UGT1A7: variants seen among roughly 807,000 people sequenced by gnomAD.
UGT1A7 encodes the protein UDP glucuronosyltransferase family 1 member A7.
A neutral mutation model predicts 45.6 loss-of-function variants in UGT1A7; 33 were observed. The observed-to-expected ratio is 0.72, with a 90% CI of 0.55 to 0.97. The LOEUF is 0.97. Among genes scored for constraint, UGT1A7 ranks in the 50% least tolerant of loss-of-function variants. UGT1A7 has a pLI of 0.00. For synonymous variants in UGT1A7, 274 were observed against 250.6 expected, an observed-to-expected ratio of 1.09 and a Z score of -0.88; for missense variants, 684 against 666.2, an observed-to-expected ratio of 1.03 and a Z score of -0.29.
At position 233,682,626 on chromosome 2, in the gene UGT1A7, TA is replaced by T. The variant is rs760187297; in HGVS notation, c.690del (p.Ile230MetfsTer36). The T allele has an allele frequency of 2.5e-6, 4 of 1,613,904 alleles. No individual in the cohort carries two copies. Among genetic ancestry groups the T allele is most frequent in the South Asian group, 1.1e-5 (1 of 91,076 alleles). On this transcript the variant is annotated frameshift_variant, in exon 1 of 5. Coordinates refer to ENST00000373426, the MANE Select transcript of UGT1A7 (RefSeq NM_019077.3). LOFTEE classifies it high-confidence loss of function. ...CPYFFKNVLE[I>X]ASEILQTPVT... is the part of the protein sequence containing the mutation. ...TATTTTTTCAAAAATGTCTTAGAAATAGCCTCTGAAATTCTCCAAACCCCTG... is the reference window on the plus strand; with the variant it reads ...TATTTTTTCAAAAATGTCTTAGAAATGCCTCTGAAATTCTCCAAACCCCTG...
At chr2:233,725,886 G>T (rs2077481662) in intron 1 of UGT1A7, among the ~76,000 whole-genome samples, 1 of 152,018 alleles carries the variant, frequency 6.6e-6, no homozygotes, top group Admixed American at 6.6e-5. Context: ...ATGATTTGTA[G>T]GCAGGTGGGT....
At chr2:233,737,730 T>C (rs558595206) in intron 1 of UGT1A7, among the ~76,000 whole-genome samples, 10 of 152,254 alleles carry the variant, frequency 6.6e-5, no homozygotes, top group East Asian at 3.9e-4. Context: ...CCTTTTTTTT[T>C]CCTTTTCTCT....
At chr2:233,719,183 T>C (rs1190201786) in intron 1 of UGT1A7, 5 of 1,614,222 alleles carry the variant, frequency 3.1e-6, no homozygotes, top group Non-Finnish European at 4.2e-6. Flanking sequence ...ACAATGTATC[T>C]TTGGCCCTTC....
At chr2:233,740,156 C>A (rs578012287) in intron 1 of UGT1A7, among the ~76,000 whole-genome samples, 33 of 151,986 alleles carry the variant, frequency 2.2e-4, no homozygotes, top group Non-Finnish European at 3.7e-4. Flanking sequence ...GAGGCCTCCC[C>A]AGTCATGTGG....
At chr2:233,743,679 C>T (rs773832305) in intron 1 of UGT1A7, 13 of 1,367,098 alleles carry the variant, frequency 9.5e-6, no homozygotes, top group African/African-American at 5.9e-5. Flanking sequence ...AAGGGCCTGC[C>T]GCCTGTGCAG....
At chr2:233,693,435 T>C (rs2075153037) in intron 1 of UGT1A7, 3 of 1,614,160 alleles carry the variant, frequency 1.9e-6, no homozygotes, top group Non-Finnish European at 2.5e-6. Context: ...GAGAGCAAGT[T>C]TGATGCTCTT....
intron 1 of UGT1A7, chr2:233,693,367 G>A: frequency 6.2e-7 from 1 of 1,614,154 alleles, no homozygotes; most frequent in Non-Finnish European, 8.5e-7. Context: ...TTATTGGCCT[G>A]TACTTCATCA....
chr2:233,750,021 A>C (rs894423402), intron 1 of UGT1A7, among the ~76,000 whole-genome samples: 1 of 151,886 alleles, frequency 6.6e-6, no homozygotes, highest in African/African-American at 2.4e-5. Context: ...AGAGTGGAGT[A>C]CTGCTATAAA....
rs530894832 is a variant in UGT1A7, at chr2:233,736,505, A to T, written c.856-30529A>T. 2.0e-5 allele frequency among the ~76,000 whole-genome samples: 3 copies of T among 152,320 alleles called. No individual in the cohort carries two copies. The East Asian group carries it at 5.8e-4, about 29-fold the overall frequency. On this transcript the variant is annotated intron_variant, in intron 1 of 4. Transcript: ENST00000373426. ...TGTTACTACCAAACTTCTGAAGCCT[A>T]CTTCTGTCAACTCGTCAAAGTCATT... is the stretch of plus-strand genomic sequence containing the variant.
At chr2:233,716,556 T>A (rs1435201445) in intron 1 of UGT1A7, among the ~76,000 whole-genome samples, 1 of 152,206 alleles carries the variant, frequency 6.6e-6, no homozygotes, top group Non-Finnish European at 1.5e-5. Context: ...ATATTCCTTT[T>A]TTCATTTTTT....
intron 1 of UGT1A7, among the ~76,000 whole-genome samples, chr2:233,762,607 TTTG>T (rs1336079545): frequency 6.6e-6 from 1 of 152,220 alleles, no homozygotes; most frequent in Non-Finnish European, 1.5e-5. Flanking sequence ...TTCCAGGAGT[TTTG>T]TTGTTGTGAC....
At chr2:233,736,342 C>T (rs549805148) in intron 1 of UGT1A7, among the ~76,000 whole-genome samples, 123 of 152,282 alleles carry the variant, frequency 8.1e-4, no homozygotes, top group Admixed American at 3.1e-3. Flanking sequence ...AGTTCTTGTG[C>T]CATGGTTTTC....
intron 1 of UGT1A7, among the ~76,000 whole-genome samples, chr2:233,735,381 C>G (rs1160790318): frequency 6.6e-6 from 1 of 152,068 alleles, no homozygotes; most frequent in Non-Finnish European, 1.5e-5. Context: ...TCCTCCATCC[C>G]TTTATTTTGA....
At chr2:233,765,980 C>T (rs987100848) in intron 1 of UGT1A7, among the ~76,000 whole-genome samples, 1 of 152,096 alleles carries the variant, frequency 6.6e-6, no homozygotes, top group African/African-American at 2.4e-5. Flanking sequence ...ATGTTTACAG[C>T]TCCTGAAGCT....
intron 1 of UGT1A7, among the ~76,000 whole-genome samples, chr2:233,751,459 G>C (rs1297643220): frequency 6.6e-6 from 1 of 152,208 alleles, no homozygotes; most frequent in Non-Finnish European, 1.5e-5. Context: ...TTGTTGGGAA[G>C]GCACGATTGG....
intron 1 of UGT1A7, among the ~76,000 whole-genome samples, chr2:233,720,871 ATTTT>A (rs60621337): frequency 2.3e-5 from 3 of 132,772 alleles, no homozygotes; most frequent in African/African-American, 8.6e-5. Flanking sequence ...GCTCCTGGCA[ATTTT>A]TTTTTTTTTT....
chr2:233,705,222 A>T (rs1400550226), intron 1 of UGT1A7, among the ~76,000 whole-genome samples: 1 of 152,060 alleles, frequency 6.6e-6, no homozygotes, highest in East Asian at 1.9e-4. Context: ...TACTATTATC[A>T]GTGCTTTTTT....
chr2:233,705,496 C>A (rs190154138), intron 1 of UGT1A7, among the ~76,000 whole-genome samples: 369 of 152,190 alleles, frequency 2.4e-3, no homozygotes, highest in Non-Finnish European at 3.9e-3. Context: ...ATAATAAATA[C>A]CTTTTTAAGA....
At chr2:233,741,369 G>A (rs190389633) in intron 1 of UGT1A7, among the ~76,000 whole-genome samples, 1 of 151,798 alleles carries the variant, frequency 6.6e-6, no homozygotes, top group East Asian at 1.9e-4. Context: ...CAATGAAACT[G>A]CCCATGCCTT....
Sources: allele counts gnomAD v4.1 joint callset (sites outside exome capture counted in the v4.1 genomes callset), GRCh38; gene constraint gnomAD v4.1.1; transcripts MANE v1.5; gene names NCBI Gene and HGNC (gene_info 2026-07-23, HGNC 2026-07-21).